The following CASP6 variants were observed in gnomAD, a reference collection of about 807,000 sequenced individuals.
CASP6 encodes the protein caspase 6.
A neutral mutation model predicts 31.8 loss-of-function variants in CASP6; 20 were observed. That is an observed-to-expected ratio of 0.63 (90% CI 0.44 to 0.91). The LOEUF (loss-of-function observed/expected upper bound fraction) is 0.91. CASP6 is among the 40% of genes least tolerant of loss of function. The probability of loss-of-function intolerance (pLI) is 0.00; values close to 1 mark genes in which losing one functional copy is unlikely to be tolerated. For missense variants in CASP6, 328 were observed against 361.1 expected, an observed-to-expected ratio of 0.91 and a Z score of 0.74; for synonymous variants, 130 against 127.8, an observed-to-expected ratio of 1.02 and a Z score of -0.12.
downstream of CASP6, chr4:109,685,054 T>G (rs1729806198): frequency 4.7e-6 from 2 of 425,386 alleles, no homozygotes; most frequent in African/African-American, 2.0e-5. Context: ...CTTGCCTGTT[T>G]TTGAAAGGAG....
At chr4:109,690,196 TACAC>T (rs60978760) in intron 6 of CASP6, among the ~76,000 whole-genome samples, 11 of 113,940 alleles carry the variant, frequency 9.7e-5, no homozygotes, top group South Asian at 5.3e-4. Flanking sequence ...AAAAAAAAAA[TACAC>T]ACACACACAC....
downstream of CASP6, among the ~76,000 whole-genome samples, chr4:109,686,769 G>A (rs1033674543): frequency 2.6e-5 from 4 of 152,152 alleles, no homozygotes; most frequent in African/African-American, 9.7e-5. Context: ...CTAGCTACTT[G>A]GGAAGCTGAA....
At chr4:109,682,780 T>A in the CASP6 span, 2 of 1,510,428 alleles carry the variant, frequency 1.3e-6, no homozygotes, top group Non-Finnish European at 1.8e-6. Flanking sequence ...TTGAAAATAA[T>A]ACCTAGTGTT....
chr4:109,696,109 G>A (rs1031035500), intron 4 of CASP6, among the ~76,000 whole-genome samples: 1 of 152,164 alleles, frequency 6.6e-6, no homozygotes, highest in Non-Finnish European at 1.5e-5. Context: ...TGACTGCCCA[G>A]CACCTGTAGT....
In CASP6 at chr4:109,698,287, A is replaced by C; in HGVS notation, c.83+13T>G. On this transcript the variant is annotated intron_variant, in intron 2 of 6. Coordinates refer to ENST00000265164, the MANE Select transcript of CASP6 (RefSeq NM_001226.4). ...AAGGAAGAGACCTTTATTAGAAAAG[A>C]GCACAGCTTTACCTTTTATAGAAGG... 9 of 1,604,762 alleles carry C rather than the reference A, an allele frequency of 5.6e-6. No individual in the cohort carries two copies. Among genetic ancestry groups the C allele is most frequent in the Non-Finnish European group, 7.6e-6 (9 of 1,177,018 alleles).
chr4:109,665,917 G>A, the CASP6 span, among the ~76,000 whole-genome samples: 9 of 151,606 alleles, frequency 5.9e-5, no homozygotes, highest in African/African-American at 2.2e-4. Flanking sequence ...ATACTAAACA[G>A]TGAGAGAGAG....
chr4:109,674,084 A>C, the CASP6 span: 26 of 1,454,560 alleles, frequency 1.8e-5, no homozygotes, highest in Admixed American at 4.4e-4. Context: ...GGTATGGGCT[A>C]TTCCATGTAT....
the CASP6 span, chr4:109,682,991 A>G: frequency 8.6e-6 from 3 of 347,514 alleles, no homozygotes; most frequent in Non-Finnish European, 1.6e-5. Flanking sequence ...CAGAGCTGCC[A>G]TCTTAAACTC....
At chr4:109,701,413 C>T (rs990646248) in intron 1 of CASP6, among the ~76,000 whole-genome samples, 1 of 151,986 alleles carries the variant, frequency 6.6e-6, no homozygotes, top group African/African-American at 2.4e-5. Flanking sequence ...CTTCTTTAAA[C>T]CTGATTCTTG....
chr4:109,704,222 G>A (rs1730531297), upstream of CASP6, among the ~76,000 whole-genome samples: 1 of 152,204 alleles, frequency 6.6e-6, no homozygotes, highest in Non-Finnish European at 1.5e-5. Context: ...TAAATCAAAA[G>A]CAAACATGAT....
upstream of CASP6, among the ~76,000 whole-genome samples, chr4:109,705,993 A>T (rs1171440607): frequency 6.0e-4 from 41 of 67,798 alleles, no homozygotes; most frequent in African/African-American, 1.5e-3. Context: ...AAAAAAAAAA[A>T]AAAAAAAAAT....
rs1729933514 is a variant in CASP6, at chr4:109,688,962, A to G, written c.*368T>C. On this transcript the variant is annotated 3_prime_UTR_variant, in exon 7 of 7. Coordinates refer to ENST00000265164, the MANE Select transcript of CASP6 (RefSeq NM_001226.4). ...AATGCTTCACCCTAACGATATTTAT[A>G]TAAAAGGAAGAGAAAGACATTTTCT... 5.6e-6 allele frequency: 1 copy of G among 178,308 alleles called. No homozygotes were observed. The highest frequency in any genetic ancestry group is 2.4e-5 in the African/African-American group (1 of 42,094). The allele number at this position is 178,308 out of a possible 1,614,324, so 11.0% of individuals were successfully genotyped here.
chr4:109,685,954 G>A (rs996811382), downstream of CASP6, among the ~76,000 whole-genome samples: 4 of 152,032 alleles, frequency 2.6e-5, no homozygotes, highest in Admixed American at 6.5e-5. Context: ...GCACATCACT[G>A]GATTTTTCAT....
the CASP6 span, among the ~76,000 whole-genome samples, chr4:109,677,962 C>T: frequency 5.9e-5 from 9 of 151,904 alleles, no homozygotes; most frequent in South Asian, 2.1e-4. Flanking sequence ...GAGGTCCCTG[C>T]GGCCTTCTGC....
downstream of CASP6, chr4:109,688,440 T>G (rs969731354): frequency 2.0e-5 from 3 of 152,230 alleles, no homozygotes; most frequent in African/African-American, 7.2e-5. Context: ...ATGTTTTCTA[T>G]TTCATCCTCA....
chr4:109,665,661 T>C, the CASP6 span, among the ~76,000 whole-genome samples: 5 of 152,170 alleles, frequency 3.3e-5, no homozygotes, highest in Non-Finnish European at 5.9e-5. Context: ...TGTTTTTTCA[T>C]TCATTTTGTT....
At chr4:109,698,780 T>G (rs748242874) in intron 1 of CASP6, among the ~76,000 whole-genome samples, 1 of 152,202 alleles carries the variant, frequency 6.6e-6, no homozygotes, top group African/African-American at 2.4e-5. Context: ...GGTGTAAGCC[T>G]GGAAGAGGTA....
the CASP6 span, among the ~76,000 whole-genome samples, chr4:109,708,635 C>A: frequency 6.6e-6 from 1 of 152,208 alleles, no homozygotes; most frequent in Non-Finnish European, 1.5e-5. Context: ...GAGTGGAACT[C>A]CAGTTGGCTG....
chr4:109,672,148 T>C, the CASP6 span, among the ~76,000 whole-genome samples: 2 of 152,192 alleles, frequency 1.3e-5, no homozygotes, highest in African/African-American at 4.8e-5. Context: ...TAGCCTCTTT[T>C]ATTCTCCTGT....
Sources: allele counts gnomAD v4.1 joint callset (sites outside exome capture counted in the v4.1 genomes callset), GRCh38; gene constraint gnomAD v4.1.1; transcripts MANE v1.5; gene names NCBI Gene and HGNC (gene_info 2026-07-23, HGNC 2026-07-21).